DMAC1: variants seen among roughly 807,000 people sequenced by gnomAD.
DMAC1 encodes the protein distal membrane arm assembly component 1.
DMAC1 carries 10 observed loss-of-function variants against 7.0 expected under a neutral mutation model. That is an observed-to-expected ratio of 1.43 (90% CI 0.88 to 2.43). DMAC1 has a LOEUF of 2.43. Among genes scored for constraint, DMAC1 ranks in the 30% most tolerant of loss-of-function variants. The pLI, the probability that DMAC1 is intolerant of heterozygous loss-of-function variation, is 0.00. For missense variants in DMAC1, 219 were observed against 158.7 expected (o/e 1.38, Z -2.04); for synonymous variants, 92 against 66.2 (o/e 1.39, Z -1.90).
rs977369823 is a variant in DMAC1, at chr9:7,796,821, GAATAT to G, written c.*1747_*1751del. The G allele has an allele frequency of 7.5e-6, 1 of 132,964 alleles. No homozygotes were observed. The highest frequency in any genetic ancestry group is 2.6e-5 in the African/African-American group (1 of 38,090). 8.2% of individuals were successfully genotyped at this position (132,964 alleles called of 1,614,324 possible). A position where few individuals can be genotyped will look rare whatever the true frequency, so the allele number is the denominator to read the frequency against. On this transcript the variant is annotated 3_prime_UTR_variant, in exon 2 of 2. Transcript: ENST00000358227. ...TAGCTTACCTTCTTGTAAGAATACG[GAATAT>G]AATACATACAACACAAAAAATGTGT...
At chr9:7,798,770 C>A in intron 1 of DMAC1, 133 bp from the exon 2 acceptor site, 6 of 668,028 alleles carry the variant, frequency 9.0e-6, no homozygotes, top group Middle Eastern at 4.6e-4. Flanking sequence ...TCTTATAAGG[C>A]AAGTGAAGCA....
In DMAC1 at chr9:7,798,538, GAC is replaced by G; in HGVS notation, c.*33_*34del. The G allele has an allele frequency of 6.2e-7, 1 of 1,610,714 alleles. No individual in the cohort carries two copies. Among genetic ancestry groups the G allele is most frequent in the East Asian group, 2.2e-5 (1 of 44,870 alleles). On this transcript the variant is annotated 3_prime_UTR_variant, in exon 2 of 2. Coordinates refer to ENST00000358227, the MANE Select transcript of DMAC1 (RefSeq NM_033428.3). Reference sequence around the variant, plus strand: ...CTGCTGTGTGTGTCACGGGGAAAGGGACAGAGACAGAAGACAGATTCACTGGT... The same window carrying G: ...CTGCTGTGTGTGTCACGGGGAAAGGGAGAGACAGAAGACAGATTCACTGGT...
Position 7,796,748 on chromosome 9 carries a change from T to C in DMAC1, c.*1825A>G, listed in dbSNP as rs1455887028. ...ACCTTTAGGATGATTCACTTCTACC[T>C]AACGAATAGTGAATATATTACTTCC... is the stretch of plus-strand genomic sequence containing the variant. On this transcript the variant is annotated 3_prime_UTR_variant, in exon 2 of 2. Transcript: ENST00000358227. 6.6e-6 allele frequency: 1 copy of C among 151,160 alleles called. No homozygotes were observed. The highest frequency in any genetic ancestry group is 1.5e-5 in the Non-Finnish European group (1 of 67,890). The allele number at this position is 151,160 out of a possible 1,614,324, so 9.4% of individuals were successfully genotyped here.
At position 7,796,663 on chromosome 9, in the gene DMAC1, G is replaced by A. The variant is rs1482893350; in HGVS notation, c.*1910C>T. The stretch of plus-strand genomic sequence containing the variant: ...GGATTTTCTTCCACCTCTGCCACTG[G>A]GACAGAAAGACCAACTCCTCTTGCT... On this transcript the variant is annotated 3_prime_UTR_variant, in exon 2 of 2. Transcript: ENST00000358227. 6.6e-6 allele frequency: 1 copy of A among 152,128 alleles called. No individual in the cohort carries two copies. Among genetic ancestry groups the A allele is most frequent in the Non-Finnish European group, 1.5e-5 (1 of 68,030 alleles). The allele number at this position is 152,128 out of a possible 1,614,324, so 9.4% of individuals were successfully genotyped here.
At position 7,797,157 on chromosome 9, in the gene DMAC1, G is replaced by A. The variant is rs1818623770; in HGVS notation, c.*1416C>T. On this transcript the variant is annotated 3_prime_UTR_variant, in exon 2 of 2. Coordinates refer to ENST00000358227, the MANE Select transcript of DMAC1 (RefSeq NM_033428.3). ...AACCAGGGAACAACTTGTCTTTGTAGGTATTTTAGGTATATGAATGACCAT... is the reference window on the plus strand; with the variant it reads ...AACCAGGGAACAACTTGTCTTTGTAAGTATTTTAGGTATATGAATGACCAT... 6.6e-6 allele frequency: 1 copy of A among 152,194 alleles called. No individual in the cohort carries two copies. Among genetic ancestry groups the A allele is most frequent in the Non-Finnish European group, 1.5e-5 (1 of 68,042 alleles). 9.4% of individuals were successfully genotyped at this position (152,194 alleles called of 1,614,324 possible). A position where few individuals can be genotyped will look rare whatever the true frequency, so the allele number is the denominator to read the frequency against.
chr9:7,796,819 C>A lies in DMAC1; in HGVS notation c.*1754G>T, dbSNP rs763884197. ...TCTAGCTTACCTTCTTGTAAGAATA[C>A]GGAATATAATACATACAACACAAAA... On this transcript the variant is annotated 3_prime_UTR_variant, in exon 2 of 2. Transcript: ENST00000358227. 7 of 146,764 alleles carry A rather than the reference C, an allele frequency of 4.8e-5. No homozygotes were observed. The highest frequency in any genetic ancestry group is 1.0e-4 in the African/African-American group (4 of 39,356). 9.1% of individuals were successfully genotyped at this position (146,764 alleles called of 1,614,324 possible). A position where few individuals can be genotyped will look rare whatever the true frequency, so the allele number is the denominator to read the frequency against.
chr9:7,799,334 G>A (rs1478647025), intron 1 of DMAC1, 127 bp downstream of exon 1: 1 of 1,285,642 alleles, frequency 7.8e-7, no homozygotes, highest in Admixed American at 2.3e-5. Context: ...CCTTGTTTGA[G>A]GTGCCCCCAC....
intron 1 of DMAC1, 158 bp downstream of exon 1, chr9:7,799,303 T>C (rs1586898435): frequency 1.1e-6 from 1 of 903,282 alleles, no homozygotes; most frequent in Admixed American, 2.7e-5. Flanking sequence ...AAGAAAGGCG[T>C]TCCAACAACT....
At position 7,797,122 on chromosome 9, in the gene DMAC1, C is replaced by G. The variant is rs995076904; in HGVS notation, c.*1451G>C. Reference sequence around the variant, plus strand: ...TAAAGCAGTCCATCAATAGAACAGACTGCCTTTTAAACCAGGGAACAACTT... The same window carrying G: ...TAAAGCAGTCCATCAATAGAACAGAGTGCCTTTTAAACCAGGGAACAACTT... On this transcript the variant is annotated 3_prime_UTR_variant, in exon 2 of 2. Coordinates refer to ENST00000358227, the MANE Select transcript of DMAC1 (RefSeq NM_033428.3). 3 of 152,222 alleles carry G rather than the reference C, an allele frequency of 2.0e-5. No individual in the cohort carries two copies. Among genetic ancestry groups the G allele is most frequent in the Admixed American group, 6.5e-5 (1 of 15,284 alleles). The allele number at this position is 152,222 out of a possible 1,614,324, so 9.4% of individuals were successfully genotyped here. A position where few individuals can be genotyped will look rare whatever the true frequency, so the allele number is the denominator to read the frequency against.
rs989099447 is a variant in DMAC1 at position 7,798,421 on chromosome 9, C to T, written c.*152G>A. On this transcript the variant is annotated 3_prime_UTR_variant, in exon 2 of 2. Transcript: ENST00000358227. The stretch of plus-strand genomic sequence containing the variant: ...ACACTCCATAGCCAGAGAATGACAA[C>T]ATACGATTTTCTTCTCAGTCTTGTA... 1.7e-5 allele frequency: 14 copies of T among 841,490 alleles called. No individual in the cohort carries two copies. The African/African-American group carries it at 1.8e-4, about 11-fold the overall frequency. 52.1% of individuals were successfully genotyped at this position (841,490 alleles called of 1,614,324 possible). A position where few individuals can be genotyped will look rare whatever the true frequency, so the allele number is the denominator to read the frequency against.
chr9:7,799,025 T>A (rs1818681645), intron 1 of DMAC1, among the ~76,000 whole-genome samples: 1 of 152,018 alleles, frequency 6.6e-6, no homozygotes, highest in Admixed American at 6.5e-5. Flanking sequence ...GATCTGGGAT[T>A]CAAGGCAAAT....
chr9:7,797,817 A>G lies in DMAC1; in HGVS notation c.*756T>C, dbSNP rs960705870. Reference sequence around the variant, plus strand: ...TAATGGTTATTCTTGCCTCCATGAAAGGGAAGACTAGAACAAAAAACTGAC... The same window carrying G: ...TAATGGTTATTCTTGCCTCCATGAAGGGGAAGACTAGAACAAAAAACTGAC... On this transcript the variant is annotated 3_prime_UTR_variant, in exon 2 of 2. Transcript: ENST00000358227. 6.6e-6 allele frequency: 1 copy of G among 152,160 alleles called. No homozygotes were observed. The highest frequency in any genetic ancestry group is 1.5e-5 in the Non-Finnish European group (1 of 68,040). The allele number at this position is 152,160 out of a possible 1,614,324, so 9.4% of individuals were successfully genotyped here. A position where few individuals can be genotyped will look rare whatever the true frequency, so the allele number is the denominator to read the frequency against.
chr9:7,799,159 ACTC>A (rs1282500874), intron 1 of DMAC1, among the ~76,000 whole-genome samples: 2 of 151,216 alleles, frequency 1.3e-5, no homozygotes, highest in African/African-American at 2.4e-5. Flanking sequence ...TGAACACAAT[ACTC>A]CTCGTTGCCT....
In DMAC1 at chr9:7,797,612, C is replaced by G. The variant is rs1419846970; in HGVS notation, c.*961G>C. 6.6e-6 allele frequency: 1 copy of G among 152,112 alleles called. No individual in the cohort carries two copies. Among genetic ancestry groups the G allele is most frequent in the Non-Finnish European group, 1.5e-5 (1 of 68,026 alleles). 9.4% of individuals were successfully genotyped at this position (152,112 alleles called of 1,614,324 possible). A position where few individuals can be genotyped will look rare whatever the true frequency, so the allele number is the denominator to read the frequency against. On this transcript the variant is annotated 3_prime_UTR_variant, in exon 2 of 2. Transcript: ENST00000358227. ...CAATAGGTAGAAAACATGGCCTTCT[C>G]TTAGAAATGAACTATGTAATTTTGA...
rs938913308 is a variant in DMAC1 at position 7,799,769 on chromosome 9, G to C, written c.-35C>G. 2.7e-6 allele frequency: 4 copies of C among 1,495,694 alleles called. No individual in the cohort carries two copies. Among genetic ancestry groups the C allele is most frequent in the Non-Finnish European group, 3.5e-6 (4 of 1,128,392 alleles). The allele number at this position is 1,495,694 out of a possible 1,614,324, so 92.7% of individuals were successfully genotyped here. ...CTCGGCCTCAACCTTGGGCGTCTTT[G>C]GTTCAAACTGGCGTAAACGACGCAC... is the stretch of plus-strand genomic sequence containing the variant. On this transcript the variant is annotated 5_prime_UTR_variant, in exon 1 of 2. Coordinates refer to ENST00000358227, the MANE Select transcript of DMAC1 (RefSeq NM_033428.3).
intron 1 of DMAC1, 59 bp downstream of exon 1, chr9:7,799,402 T>C: frequency 1.9e-6 from 3 of 1,580,890 alleles, no homozygotes; most frequent in Middle Eastern, 2.3e-4. Context: ...GGCTGCTCCG[T>C]TTCCTTCCTC....
At position 7,799,641 on chromosome 9, in the gene DMAC1, G is replaced by C. The variant is rs149537395; in HGVS notation, c.94C>G (p.Pro32Ala). 8.1e-6 allele frequency: 13 copies of C among 1,612,470 alleles called. No individual in the cohort carries two copies. In the Middle Eastern group the frequency reaches 9.1e-4, roughly 113 times the overall value. The change falls in exon 1 of 2, where the codon CCC becomes GCC. Residue 32 changes from proline (P) to alanine (A), a missense_variant. Coordinates refer to ENST00000358227, the MANE Select transcript of DMAC1 (RefSeq NM_033428.3). ...APAKPAPPAT[P>A]GAPTSPAEHR... ...TCTGCTGGGGAGGTCGGCGCTCCGGGTGTAGCTGGGGGCGCAGGTTTGGCG... is the reference window on the plus strand; with the variant it reads ...TCTGCTGGGGAGGTCGGCGCTCCGGCTGTAGCTGGGGGCGCAGGTTTGGCG...
At chr9:7,798,703 A>T in intron 1 of DMAC1, 66 bp from the exon 2 acceptor site, 1 of 1,345,228 alleles carries the variant, frequency 7.4e-7, no homozygotes, top group Non-Finnish European at 1.0e-6. Flanking sequence ...TTTCACATAT[A>T]CGCCATCTTA....
rs923904930 is a variant in DMAC1 at position 7,796,841 on chromosome 9, A to C, written c.*1732T>G. ...ATACGGAATATAATACATACAACAC[A>C]AAAAATGTGTTAATCAACTGCTTTA... On this transcript the variant is annotated 3_prime_UTR_variant, in exon 2 of 2. Coordinates refer to ENST00000358227, the MANE Select transcript of DMAC1 (RefSeq NM_033428.3). The C allele has an allele frequency of 1.7e-5, 2 of 117,770 alleles. No homozygotes were observed. The highest frequency in any genetic ancestry group is 5.7e-5 in the African/African-American group (2 of 35,114). The allele number at this position is 117,770 out of a possible 1,614,324, so 7.3% of individuals were successfully genotyped here.
Sources: gnomAD v4.1 joint callset for allele counts (sites outside exome capture counted in the v4.1 genomes callset) on GRCh38, gnomAD v4.1.1 for gene constraint, MANE v1.5 for transcripts, NCBI Gene and HGNC (gene_info 2026-07-23, HGNC 2026-07-21) for gene names.